The following CNTNAP2 variants were observed in gnomAD, a reference collection of about 807,000 sequenced individuals.
The protein encoded by CNTNAP2 is contactin associated protein 2.
A neutral mutation model predicts 155.2 loss-of-function variants in CNTNAP2; 98 were observed. The ratio of observed to expected loss-of-function variants is 0.63; its 90% CI spans 0.54 to 0.75. The LOEUF (loss-of-function observed/expected upper bound fraction) is 0.75, where lower values mean the gene tolerates loss of function less well. Ranked by LOEUF, CNTNAP2 falls within the 30% of genes least tolerant of loss-of-function variation. The probability of loss-of-function intolerance (pLI) is 0.00; values close to 1 mark genes in which losing one functional copy is unlikely to be tolerated. For missense variants in CNTNAP2, 1,727 were observed against 1,688.1 expected, an observed-to-expected ratio of 1.02 and a Z score of -0.40; for synonymous variants, 651 against 631.2, an observed-to-expected ratio of 1.03 and a Z score of -0.47.
At chr7:147,000,192 T>C (rs1369239206) in intron 3 of CNTNAP2, among the ~76,000 whole-genome samples, 1 of 152,060 alleles carries the variant, frequency 6.6e-6, no homozygotes, top group African/African-American at 2.4e-5. Flanking sequence ...TGTTGTAATT[T>C]TTAGCTCTAG....
intron 1 of CNTNAP2, among the ~76,000 whole-genome samples, chr7:146,252,857 G>A (rs1014685730): frequency 2.0e-5 from 3 of 151,512 alleles, no homozygotes; most frequent in African/African-American, 7.3e-5. Flanking sequence ...TTCTTAAAAT[G>A]TGCCCATAGT....
intron 6 of CNTNAP2, among the ~76,000 whole-genome samples, chr7:147,126,581 C>A (rs1210438664): frequency 6.6e-6 from 1 of 152,194 alleles, no homozygotes; most frequent in Admixed American, 6.5e-5. Flanking sequence ...TCAAGTTATT[C>A]TCCTGTTTCA....
At chr7:147,596,463 T>C (rs1488952624) in intron 12 of CNTNAP2, among the ~76,000 whole-genome samples, 1 of 152,038 alleles carries the variant, frequency 6.6e-6, no homozygotes, top group Non-Finnish European at 1.5e-5. Context: ...AAACAGAAAT[T>C]CGATTGTTTT....
chr7:148,165,337 C>T (rs1805634285), intron 17 of CNTNAP2, among the ~76,000 whole-genome samples: 1 of 152,050 alleles, frequency 6.6e-6, no homozygotes. Flanking sequence ...ATGTTAAGTA[C>T]TTCTTTAAAG....
chr7:147,866,436 T>A (rs2116694394), intron 13 of CNTNAP2, among the ~76,000 whole-genome samples: 1 of 152,302 alleles, frequency 6.6e-6, no homozygotes, highest in South Asian at 2.1e-4. Flanking sequence ...CTATTAAGTC[T>A]GCTTAATGCA....
chr7:146,687,196 A>T (rs559086830), intron 1 of CNTNAP2, among the ~76,000 whole-genome samples: 5 of 152,174 alleles, frequency 3.3e-5, no homozygotes, highest in Non-Finnish European at 7.4e-5. Context: ...TATCAAAACT[A>T]GTCTTAATAT....
At position 146,618,844 on chromosome 7, in the gene CNTNAP2, C is replaced by T. The variant is rs943545848; in HGVS notation, c.98-155427C>T. ...CAGCACTTTGGGAGGCCGAGACAGG[C>T]GGATAACCTGAGGTCAGGAGTTCAA... On this transcript the variant is annotated intron_variant, in intron 1 of 23. Coordinates refer to ENST00000361727, the MANE Select transcript of CNTNAP2 (RefSeq NM_014141.6). Among the ~76,000 whole-genome samples the T allele has an allele frequency of 3.3e-5, 5 of 151,842 alleles. No homozygotes were observed. The South Asian group carries it at 6.2e-4, about 19-fold the overall frequency.
intron 11 of CNTNAP2, among the ~76,000 whole-genome samples, chr7:147,497,737 C>T (rs16883526): frequency 0.29 from 43,533 of 152,036 alleles, 6,364 homozygotes; most frequent in East Asian, 0.43. Flanking sequence ...ATGAGCTCCT[C>T]TAGAGTTTGA....
intron 2 of CNTNAP2, among the ~76,000 whole-genome samples, chr7:146,788,528 T>A (rs1417404407): frequency 6.6e-6 from 1 of 152,156 alleles, no homozygotes; most frequent in African/African-American, 2.4e-5. Flanking sequence ...GGGCTGGCAG[T>A]CCACAAAAAC....
chr7:148,004,569 AT>A (rs1228316069), intron 15 of CNTNAP2, among the ~76,000 whole-genome samples: 1 of 152,076 alleles, frequency 6.6e-6, no homozygotes, highest in Non-Finnish European at 1.5e-5. Flanking sequence ...TACATTAATT[AT>A]TTTTTCTCAT....
At chr7:146,167,070 TG>T (rs149023380) in intron 1 of CNTNAP2, among the ~76,000 whole-genome samples, 7,992 of 152,274 alleles carry the variant, frequency 0.052, 238 homozygotes, top group Middle Eastern at 0.11. Context: ...TAGTGACAAC[TG>T]GGCGCATAGC....
intron 8 of CNTNAP2, among the ~76,000 whole-genome samples, chr7:147,269,995 G>A (rs1290334917): frequency 1.3e-5 from 2 of 152,172 alleles, no homozygotes; most frequent in Admixed American, 6.5e-5. Flanking sequence ...CTAGGATTCT[G>A]AGGCTGCAGT....
At chr7:148,178,455 C>T (rs1794983446) in intron 18 of CNTNAP2, among the ~76,000 whole-genome samples, 1 of 152,192 alleles carries the variant, frequency 6.6e-6, no homozygotes, top group Non-Finnish European at 1.5e-5. Context: ...TACAGTCACA[C>T]AAATAATGTG....
chr7:148,069,550 C>G (rs1428557292), intron 15 of CNTNAP2, among the ~76,000 whole-genome samples: 3 of 152,036 alleles, frequency 2.0e-5, no homozygotes. Context: ...ATCACGAGGT[C>G]AGGAGATTGA....
chr7:148,375,638 C>A (rs1300385870), intron 21 of CNTNAP2, among the ~76,000 whole-genome samples: 2 of 150,990 alleles, frequency 1.3e-5, no homozygotes, highest in Admixed American at 6.6e-5. Context: ...GGATTACAGG[C>A]GTAAGCCACC....
At chr7:147,149,619 C>T (rs1465906764) in intron 8 of CNTNAP2, among the ~76,000 whole-genome samples, 1 of 151,952 alleles carries the variant, frequency 6.6e-6, no homozygotes, top group East Asian at 1.9e-4. Flanking sequence ...TAAAAGATAG[C>T]TCTATCTACT....
chr7:147,887,888 T>C (rs1205050675), intron 13 of CNTNAP2, among the ~76,000 whole-genome samples: 1 of 152,246 alleles, frequency 6.6e-6, no homozygotes. Flanking sequence ...AAGCCAGTTC[T>C]GATGCATGTT....
chr7:146,723,454 C>T (rs1449562970), intron 1 of CNTNAP2, among the ~76,000 whole-genome samples: 1 of 152,128 alleles, frequency 6.6e-6, no homozygotes. Flanking sequence ...AGTTAGAAAC[C>T]TTTTCATACT....
intron 1 of CNTNAP2, among the ~76,000 whole-genome samples, chr7:146,419,619 G>A (rs1795984144): frequency 6.6e-6 from 1 of 152,044 alleles, no homozygotes; most frequent in Admixed American, 6.6e-5. Flanking sequence ...GAGTTGAATA[G>A]ACATTTTTCA....
Sources: gnomAD v4.1 joint callset for allele counts (sites outside exome capture counted in the v4.1 genomes callset) on GRCh38, gnomAD v4.1.1 for gene constraint, MANE v1.5 for transcripts, NCBI Gene and HGNC (gene_info 2026-07-23, HGNC 2026-07-21) for gene names.